SNX29: variants seen among roughly 807,000 people sequenced by gnomAD.
SNX29 encodes sorting nexin-29.
In SNX29, 78 loss-of-function variants were observed where a neutral mutation model predicts 102.1. That is an observed-to-expected ratio of 0.76 (90% CI 0.64 to 0.92). The LOEUF is 0.92. Ranked by LOEUF, SNX29 falls within the 40% of genes least tolerant of loss-of-function variation. The pLI, the probability that SNX29 is intolerant of heterozygous loss-of-function variation, is 0.00. For synonymous variants in SNX29, 580 were observed against 414.5 expected, an observed-to-expected ratio of 1.40 and a Z score of -4.85; for missense variants, 1,280 against 1,061.7, an observed-to-expected ratio of 1.21 and a Z score of -2.86.
rs76025005 is a variant in SNX29, at chr16:12,215,894, T to G, written c.1678+16211T>G. Among the ~76,000 whole-genome samples the G allele has an allele frequency of 4.3e-3, 660 of 152,274 alleles. 5 individuals carry two copies. The highest frequency in any genetic ancestry group is 0.015 in the African/African-American group (629 of 41,548). ...CTGGCTGCCCTCATTATAGTGCTAT[T>G]AGCAGAGTGCAGGGGTCCTCCTGCT... On this transcript the variant is annotated intron_variant, in intron 14 of 20. Coordinates refer to ENST00000566228, the MANE Select transcript of SNX29 (RefSeq NM_032167.5).
chr16:12,129,654 T>A lies in SNX29; in HGVS notation c.1491T>A (p.Gly497=). 6.2e-7 allele frequency: 1 copy of A among 1,611,046 alleles called. No individual in the cohort carries two copies. The highest frequency in any genetic ancestry group is 8.5e-7 in the Non-Finnish European group (1 of 1,179,454). The change falls in exon 13 of 21, where the codon GGT becomes GGA. Residue 497 remains glycine (G), a synonymous_variant. Transcript: ENST00000566228. The part of the protein sequence containing the change: ...ENRSLRNLLD[G]EMEHSAALRQ... ...GATCACTGCGAAACCTGCTCGACGGTGAGATGGAGCACTCAGCCGCGCTCC... is the reference window on the plus strand; with the variant it reads ...GATCACTGCGAAACCTGCTCGACGGAGAGATGGAGCACTCAGCCGCGCTCC...
At chr16:11,983,174 AC>A (rs2055464058) in intron 1 of SNX29, among the ~76,000 whole-genome samples, 1 of 150,242 alleles carries the variant, frequency 6.7e-6, no homozygotes, top group Admixed American at 6.6e-5. Context: ...CAGGTGATCC[AC>A]CTGCCTTGGC....
chr16:12,538,120 AT>A (rs67769379), intron 20 of SNX29, among the ~76,000 whole-genome samples: 69,878 of 151,750 alleles, frequency 0.46, 16,607 homozygotes, highest in East Asian at 0.66. Flanking sequence ...TTCCCCTTGC[AT>A]TTTTTTATTT....
At chr16:12,335,446 C>G (rs1411977441) in intron 15 of SNX29, among the ~76,000 whole-genome samples, 1 of 152,120 alleles carries the variant, frequency 6.6e-6, no homozygotes, top group African/African-American at 2.4e-5. Context: ...GGAAGGATCT[C>G]TTCAGGTCAA....
chr16:12,499,553 G>A (rs2089004180), intron 19 of SNX29, among the ~76,000 whole-genome samples: 1 of 152,176 alleles, frequency 6.6e-6, no homozygotes, highest in African/African-American at 2.4e-5. Context: ...TTTGCCTGAT[G>A]GTTTCCCACT....
chr16:12,197,604 C>A (rs1443933944), intron 13 of SNX29, among the ~76,000 whole-genome samples: 1 of 152,128 alleles, frequency 6.6e-6, no homozygotes, highest in Non-Finnish European at 1.5e-5. Context: ...ACATGCTGTA[C>A]AATCCCCATC....
chr16:12,060,966 C>T (rs1375359329), intron 8 of SNX29: 4 of 424,500 alleles, frequency 9.4e-6, no homozygotes, highest in African/African-American at 6.1e-5. Context: ...TCAGATGCAG[C>T]GAGGCGGAGC....
intron 15 of SNX29, among the ~76,000 whole-genome samples, chr16:12,322,451 T>C (rs1165649533): frequency 6.6e-6 from 1 of 152,204 alleles, no homozygotes; most frequent in African/African-American, 2.4e-5. Flanking sequence ...ACTTCTCTGA[T>C]CACATATCCA....
At position 12,436,065 on chromosome 16, in the gene SNX29, C is replaced by G. The variant is rs890694089; in HGVS notation, c.2037+32536C>G. 2.6e-5 allele frequency among the ~76,000 whole-genome samples: 4 copies of G among 152,314 alleles called. No homozygotes were observed. In the East Asian group the frequency reaches 7.7e-4, roughly 29 times the overall value. On this transcript the variant is annotated intron_variant, in intron 18 of 20. Coordinates refer to ENST00000566228, the MANE Select transcript of SNX29 (RefSeq NM_032167.5). ...GTTGTGGGGGCGGGTGTCAATGGCA[C>G]TCAATTGGGGCGCCGCACACACCGT...
intron 16 of SNX29, among the ~76,000 whole-genome samples, chr16:12,382,321 C>T (rs1320063534): frequency 6.6e-6 from 1 of 152,164 alleles, no homozygotes; most frequent in Non-Finnish European, 1.5e-5. Flanking sequence ...GTGAACCTTG[C>T]TCCGTCGGAC....
intron 11 of SNX29, among the ~76,000 whole-genome samples, chr16:12,086,305 C>T (rs1468319855): frequency 4.6e-5 from 7 of 152,258 alleles, no homozygotes; most frequent in East Asian, 3.9e-4. Flanking sequence ...CGCCTGGCCA[C>T]GCTCTTGCCA....
intron 14 of SNX29, among the ~76,000 whole-genome samples, chr16:12,269,374 T>A (rs1294308375): frequency 1.3e-5 from 2 of 152,244 alleles, no homozygotes; most frequent in Non-Finnish European, 2.9e-5. Context: ...TGAATCCTGC[T>A]TGGAGGCTCC....
At chr16:11,993,121 C>T (rs1312083995) in intron 1 of SNX29, among the ~76,000 whole-genome samples, 10 of 151,836 alleles carry the variant, frequency 6.6e-5, no homozygotes, top group African/African-American at 1.9e-4. Context: ...GAAGAGATGG[C>T]GCCACCGTAC....
At chr16:12,215,313 GA>G (rs59097054) in intron 14 of SNX29, among the ~76,000 whole-genome samples, 44,396 of 137,120 alleles carry the variant, frequency 0.32, 7,047 homozygotes, top group Middle Eastern at 0.41. Flanking sequence ...AATCTCTACA[GA>G]AAAAAAAAAA....
In SNX29 at chr16:12,562,766, C is replaced by T. The variant is rs572243085; in HGVS notation, c.2319-5740C>T. ...ATAGTTCCTTGAGTTTTCACAAAGGCTTGGAGTCCTTTAGCCATCACCATC... is the reference window on the plus strand; with the variant it reads ...ATAGTTCCTTGAGTTTTCACAAAGGTTTGGAGTCCTTTAGCCATCACCATC... On this transcript the variant is annotated intron_variant, in intron 20 of 20. Transcript: ENST00000566228. 2.0e-5 allele frequency among the ~76,000 whole-genome samples: 3 copies of T among 152,158 alleles called. No individual in the cohort carries two copies. The East Asian group carries it at 5.8e-4, about 29-fold the overall frequency.
chr16:12,369,646 T>A lies in SNX29; in HGVS notation c.1899+13367T>A, dbSNP rs150491723. ...TCCATTCTGTCTCAGTGCCACCTTG[T>A]AAATCTCACTGGCTATGACGCATCC... On this transcript the variant is annotated intron_variant, in intron 16 of 20. Coordinates refer to ENST00000566228, the MANE Select transcript of SNX29 (RefSeq NM_032167.5). Among the ~76,000 whole-genome samples, 479 of 152,318 alleles carry A rather than the reference T, an allele frequency of 3.1e-3. 12 individuals are homozygous for A. The highest frequency in any genetic ancestry group is 0.029 in the Admixed American group (443 of 15,300).
chr16:12,445,040 G>A (rs1265765290), intron 18 of SNX29, among the ~76,000 whole-genome samples: 1 of 151,922 alleles, frequency 6.6e-6, no homozygotes, highest in Non-Finnish European at 1.5e-5. Context: ...TAGTAGAGAT[G>A]GGGTTTCACC....
At chr16:12,392,717 A>G (rs1042089952) in intron 16 of SNX29, among the ~76,000 whole-genome samples, 2 of 152,274 alleles carry the variant, frequency 1.3e-5, no homozygotes, top group African/African-American at 4.8e-5. Context: ...TACTCCTAGC[A>G]AAGAATCCTT....
chr16:12,562,328 G>A (rs1314581173), intron 20 of SNX29, among the ~76,000 whole-genome samples: 1 of 152,156 alleles, frequency 6.6e-6, no homozygotes, highest in African/African-American at 2.4e-5. Context: ...AGAACCTGCA[G>A]GGCAGATTCT....
Sources: allele counts gnomAD v4.1 joint callset (sites outside exome capture counted in the v4.1 genomes callset), GRCh38; gene constraint gnomAD v4.1.1; transcripts MANE v1.5; gene names NCBI Gene and HGNC (gene_info 2026-07-23, HGNC 2026-07-21).